Variants in KIF13A observed in about 807,000 individuals in gnomAD.
KIF13A encodes the protein kinesin-like protein KIF13A.
Under a neutral mutation model 212.2 loss-of-function variants are expected in KIF13A, and 79 were observed. The observed-to-expected ratio is 0.37, with a 90% CI of 0.31 to 0.45. The LOEUF is 0.45. Ranked by LOEUF, KIF13A falls within the 20% of genes least tolerant of loss-of-function variation. The pLI is 1.00. For missense variants in KIF13A, 1,901 were observed against 2,209.0 expected, an observed-to-expected ratio of 0.86 and a Z score of 2.79; for synonymous variants, 789 against 808.6, an observed-to-expected ratio of 0.98 and a Z score of 0.41.
intron 3 of KIF13A, among the ~76,000 whole-genome samples, chr6:17,879,616 T>C (rs1301995286): frequency 6.6e-6 from 1 of 152,216 alleles, no homozygotes; most frequent in Non-Finnish European, 1.5e-5. Context: ...CAATTTGTAG[T>C]CTGCACAGAA....
chr6:17,814,162 A>G (rs1763699804), intron 17 of KIF13A, among the ~76,000 whole-genome samples: 2 of 151,282 alleles, frequency 1.3e-5, no homozygotes, highest in South Asian at 4.2e-4. Context: ...CTTGTTAGCC[A>G]GGATGGTCTT....
chr6:17,886,305 AGAG>A lies in KIF13A; in HGVS notation c.159+11860_159+11862del, dbSNP rs1771531494. Among the ~76,000 whole-genome samples the A allele has an allele frequency of 6.6e-6, 1 of 152,144 alleles. No homozygotes were observed. ...CCATGCCAGGTACATAGAGCCACAG[AGAG>A]GAGAATGCTAGGCTGACTCCATGGC... On this transcript the variant is annotated intron_variant, in intron 3 of 38. Coordinates refer to ENST00000259711, the MANE Select transcript of KIF13A (RefSeq NM_022113.6). This position sits in a 1 kb window ranked among gnomAD's most constrained non-coding sequence, Gnocchi z 5.6.
Position 17,856,667 on chromosome 6 carries a change from G to C in KIF13A, c.221-545C>G, listed in dbSNP as rs1768172659. On this transcript the variant is annotated intron_variant, in intron 4 of 38. Coordinates refer to ENST00000259711, the MANE Select transcript of KIF13A (RefSeq NM_022113.6). The surrounding 1 kb of genome is among the most constrained non-coding windows in gnomAD (Gnocchi z 4.5). ...TCCCCACAGCGGGAGTGGGGGACAA[G>C]TTCTCTTTTGTGAATCTCTGTATCA... is the stretch of plus-strand genomic sequence containing the variant. Among the ~76,000 whole-genome samples, 1 of 152,210 alleles carries C rather than the reference G, an allele frequency of 6.6e-6. No individual in the cohort carries two copies. Among genetic ancestry groups the C allele is most frequent in the Non-Finnish European group, 1.5e-5 (1 of 68,032 alleles).
At position 17,934,332 on chromosome 6, in the gene KIF13A, T is replaced by G. The variant is rs1055024865; in HGVS notation, c.147-36152A>C. ...AAGAAAAGAAACCTACACCAGTTGC[T>G]TAAGTGCAGACGAGAGCGGCTGAAC... On this transcript the variant is annotated intron_variant, in intron 2 of 38. Transcript: ENST00000259711. This position sits in a 1 kb window ranked among gnomAD's most constrained non-coding sequence, Gnocchi z 5.4. Among the ~76,000 whole-genome samples, 1 of 152,190 alleles carries G rather than the reference T, an allele frequency of 6.6e-6. No homozygotes were observed. The highest frequency in any genetic ancestry group is 2.4e-5 in the African/African-American group (1 of 41,446).
At chr6:17,930,563 A>AG (rs1419063123) in intron 2 of KIF13A, among the ~76,000 whole-genome samples, 1 of 152,236 alleles carries the variant, frequency 6.6e-6, no homozygotes, top group African/African-American at 2.4e-5. Context: ...GTTCATACAA[A>AG]GGCTGAGTGG....
chr6:17,762,989 C>T (rs1013108825), downstream of KIF13A, among the ~76,000 whole-genome samples: 1 of 152,220 alleles, frequency 6.6e-6, no homozygotes, highest in African/African-American at 2.4e-5. Flanking sequence ...CTCTTTCTAG[C>T]TCTGTCAGTT....
At chr6:17,875,678 C>G (rs1770488809) in intron 3 of KIF13A, among the ~76,000 whole-genome samples, 1 of 152,126 alleles carries the variant, frequency 6.6e-6, no homozygotes, top group Non-Finnish European at 1.5e-5. Context: ...TGGACTCAAA[C>G]TCCTGACCTC....
intron 4 of KIF13A, among the ~76,000 whole-genome samples, chr6:17,861,673 T>C (rs1293684742): frequency 6.6e-6 from 1 of 152,212 alleles, no homozygotes; most frequent in African/African-American, 2.4e-5. Context: ...TTTTCTTCTA[T>C]TTATTGTTCA....
At position 17,771,387 on chromosome 6, in the gene KIF13A, G is replaced by T; in HGVS notation, c.4477-169C>A. ...TTAAACTACTGGAGAGATATGACAGGAATAAACAGATTCTGTGGCAAAAAG... is the reference window on the plus strand; with the variant it reads ...TTAAACTACTGGAGAGATATGACAGTAATAAACAGATTCTGTGGCAAAAAG... On this transcript the variant is annotated intron_variant, in intron 37 of 38. Transcript: ENST00000259711. This position sits in a 1 kb window ranked among gnomAD's most constrained non-coding sequence, Gnocchi z 5.4. 1 of 559,082 alleles carries T rather than the reference G, an allele frequency of 1.8e-6. No individual in the cohort carries two copies. The highest frequency in any genetic ancestry group is 3.2e-6 in the Non-Finnish European group (1 of 314,234). The allele number at this position is 559,082 out of a possible 1,614,324, so 34.6% of individuals were successfully genotyped here.
At chr6:17,893,402 T>A (rs1209530269) in intron 3 of KIF13A, among the ~76,000 whole-genome samples, 1 of 152,208 alleles carries the variant, frequency 6.6e-6, no homozygotes, top group Non-Finnish European at 1.5e-5. Flanking sequence ...TGGTTAAAAA[T>A]TTTATTTTTG....
intron 3 of KIF13A, among the ~76,000 whole-genome samples, chr6:17,882,665 G>A (rs1016219610): frequency 6.6e-6 from 1 of 151,762 alleles, no homozygotes; most frequent in African/African-American, 2.4e-5. Context: ...AGGTTCGAGC[G>A]ATTCCCTTGC....
At chr6:17,935,349 G>C (rs1776366029) in intron 2 of KIF13A, among the ~76,000 whole-genome samples, 1 of 152,144 alleles carries the variant, frequency 6.6e-6, no homozygotes, top group Non-Finnish European at 1.5e-5. Context: ...GCACCACAGA[G>C]ACCTGGCTCA....
rs1217109696 is a variant in KIF13A at position 17,888,778 on chromosome 6, CTG to C, written c.159+9388_159+9389del. On this transcript the variant is annotated intron_variant, in intron 3 of 38. Transcript: ENST00000259711. The surrounding 1 kb of genome is among the most constrained non-coding windows in gnomAD (Gnocchi z 4.8). The stretch of plus-strand genomic sequence containing the variant: ...AGGTGGAGGTTGCAGTGAGCCGAGA[CTG>C]TGCCACTGCACTCCAGCCTGGGTGA... Among the ~76,000 whole-genome samples, 1 of 151,996 alleles carries C rather than the reference CTG, an allele frequency of 6.6e-6. No individual in the cohort carries two copies. The highest frequency in any genetic ancestry group is 6.6e-5 in the Admixed American group (1 of 15,246).
chr6:17,970,916 A>G (rs187172788), intron 2 of KIF13A, among the ~76,000 whole-genome samples: 2 of 152,368 alleles, frequency 1.3e-5, no homozygotes, highest in South Asian at 2.1e-4. Flanking sequence ...CAAAAAGCAA[A>G]TAAGAGATTT....
rs144003757 is a variant in KIF13A at position 17,901,638 on chromosome 6, C to T, written c.147-3458G>A. Among the ~76,000 whole-genome samples the T allele has an allele frequency of 2.0e-5, 3 of 152,310 alleles. No individual in the cohort carries two copies. The East Asian group carries it at 5.8e-4, about 29-fold the overall frequency. ...TCTGAGTTCACCCTACAAAAGCTTTCCCTTCATGCCCCTTCAGTGGAGTCC... is the reference window on the plus strand; with the variant it reads ...TCTGAGTTCACCCTACAAAAGCTTTTCCTTCATGCCCCTTCAGTGGAGTCC... On this transcript the variant is annotated intron_variant, in intron 2 of 38. Coordinates refer to ENST00000259711, the MANE Select transcript of KIF13A (RefSeq NM_022113.6).
intron 4 of KIF13A, among the ~76,000 whole-genome samples, chr6:17,870,123 G>C (rs1430447790): frequency 6.6e-6 from 1 of 152,176 alleles, no homozygotes; most frequent in Non-Finnish European, 1.5e-5. Context: ...AGAATAGTAA[G>C]CATGAATTTT....
Position 17,764,046 on chromosome 6 carries a change from T to G in KIF13A, c.*64A>C. On this transcript the variant is annotated 3_prime_UTR_variant, in exon 39 of 39. Transcript: ENST00000259711. The surrounding 1 kb of genome is among the most constrained non-coding windows in gnomAD (Gnocchi z 5.1). The stretch of plus-strand genomic sequence containing the variant: ...ATCTTTGCTGTCACAAACAACTGGA[T>G]GAATCTTTCCTACCAAGTTGTTGCG... 1 of 1,545,360 alleles carries G rather than the reference T, an allele frequency of 6.5e-7. No homozygotes were observed. Among genetic ancestry groups the G allele is most frequent in the South Asian group, 1.3e-5 (1 of 78,842 alleles).
chr6:17,779,632 G>C lies in KIF13A; in HGVS notation c.3899C>G (p.Ser1300Cys). Residue 1300 changes from serine to cysteine, a missense_variant, in exon 32 of 39, where the codon TCC becomes TGC. By Grantham distance (112) the Ser-to-Cys change is moderately radical (BLOSUM62 -1). Around this residue, in one of 5 missense-constraint regions of KIF13A, gnomAD observed 687 missense variants for 759.1 expected, o/e 0.90. Transcript: ENST00000259711. ...RRISLKNIFYSCGVTYEIVSN... is the reference protein window; with the variant it reads ...RRISLKNIFYCCGVTYEIVSN... ...TACTATTTCATAGGTTACACCACAG[G>C]AATAAAATATATTTTTCAGGGATAT... 1 of 1,506,324 alleles carries C rather than the reference G, an allele frequency of 6.6e-7. No homozygotes were observed. The allele number at this position is 1,506,324 out of a possible 1,614,324, so 93.3% of individuals were successfully genotyped here.
intron 2 of KIF13A, among the ~76,000 whole-genome samples, chr6:17,980,068 G>C (rs1331258815): frequency 1.3e-5 from 2 of 152,004 alleles, no homozygotes; most frequent in Admixed American, 6.6e-5. Flanking sequence ...AAAGACAGGA[G>C]TTTCCAGGTC....
Sources: gnomAD v4.1 joint callset for allele counts (sites outside exome capture counted in the v4.1 genomes callset) on GRCh38, gnomAD v4.1.1 for gene constraint, gnomAD v4.1.1 regional missense constraint, Gnocchi (gnomAD v3.1) non-coding constraint, MANE v1.5 for transcripts, NCBI Gene and HGNC (gene_info 2026-07-23, HGNC 2026-07-21) for gene names.